Variants in METTL5 observed in about 807,000 individuals in gnomAD.
METTL5 encodes the protein rRNA N(6)-adenosine-methyltransferase METTL5.
Under a neutral mutation model 26.5 loss-of-function variants are expected in METTL5, and 28 were observed. That is an observed-to-expected ratio of 1.06 (90% confidence interval 0.78 to 1.45). The LOEUF (loss-of-function observed/expected upper bound fraction) is 1.45. Ranked by LOEUF, METTL5 falls within the 40% of genes most tolerant of loss-of-function variation. METTL5 has a pLI of 0.00. For missense variants in METTL5, 231 were observed against 249.9 expected (o/e 0.92, Z 0.51); for synonymous variants, 86 against 82.6 (o/e 1.04, Z -0.22).
Position 169,824,536 on chromosome 2 carries a change from T to C in METTL5, c.62A>G (p.Lys21Arg). 1 of 1,614,228 alleles carries C rather than the reference T, an allele frequency of 6.2e-7. No individual in the cohort carries two copies. Among genetic ancestry groups the C allele is most frequent in the Non-Finnish European group, 8.5e-7 (1 of 1,180,022 alleles). The change falls in exon 1 of 7, where the codon AAG (lysine) becomes AGG (arginine). Residue 21 changes from lysine to arginine, a missense_variant. Lys to Arg is a conservative substitution (Grantham distance 26). Coordinates refer to ENST00000260953, the MANE Select transcript of METTL5 (RefSeq NM_014168.4). ...SRLQQVDGFE[K>R]PKLLLEQYPT... ...ATACTGTTCCAGAAGTAGCTTGGGC[T>C]TTTCAAATCCATCCACTTGTTGCAG...
chr2:169,820,916 G>C (rs2081575056), intron 3 of METTL5, among the ~76,000 whole-genome samples, 176 bp downstream of exon 3: 1 of 151,576 alleles, frequency 6.6e-6, no homozygotes, highest in Admixed American at 6.6e-5. Context: ...TGTGGGTAGA[G>C]GCAGGGTCTA....
At position 169,812,508 on chromosome 2, in the gene METTL5, T is replaced by C. The variant is rs1690007274; in HGVS notation, c.542-2A>G. 2 of 1,613,212 alleles carry C rather than the reference T, an allele frequency of 1.2e-6. No homozygotes were observed. Among genetic ancestry groups the C allele is most frequent in the Non-Finnish European group, 8.5e-7 (1 of 1,179,786 alleles). On this transcript the variant is annotated splice_acceptor_variant, in intron 5 of 6. Coordinates refer to ENST00000260953, the MANE Select transcript of METTL5 (RefSeq NM_014168.4). LOFTEE classifies it high-confidence loss of function. ...ATGCTGGCAGGTCATATCGAAGTTC[T>C]GTAAAACAAAAGCCACCTAAGGATA... is the stretch of plus-strand genomic sequence containing the variant.
chr2:169,812,113 A>G (rs1689983032), intron 6 of METTL5: 2 of 575,724 alleles, frequency 3.5e-6, no homozygotes, highest in African/African-American at 3.8e-5. Flanking sequence ...TTTAGGAAAG[A>G]ACTAGAATAT....
At position 169,819,654 on chromosome 2, in the gene METTL5, T is replaced by C. The variant is rs1461797944; in HGVS notation, c.407-11A>G. ...AAGCCATATCTGTCCCTGTGAAGAG[T>C]AGAAAAAAAGCTCCTATTTACCTCT... On this transcript the variant is annotated splice_polypyrimidine_tract_variant and intron_variant, in intron 3 of 6. Transcript: ENST00000260953. The C allele has an allele frequency of 1.9e-6, 3 of 1,594,394 alleles. No homozygotes were observed. The highest frequency in any genetic ancestry group is 2.2e-5 in the South Asian group (2 of 89,538).
Position 169,815,463 on chromosome 2 carries a change from G to C in METTL5, c.541+14C>G. On this transcript the variant is annotated intron_variant, in intron 5 of 6. Coordinates refer to ENST00000260953, the MANE Select transcript of METTL5 (RefSeq NM_014168.4). ...GTTGGCCCTTTTGGATATTAGGATT[G>C]AGATTTGTCTTACCTGCTATAATAT... 1 of 1,580,200 alleles carries C rather than the reference G, an allele frequency of 6.3e-7. No homozygotes were observed. Among genetic ancestry groups the C allele is most frequent in the Non-Finnish European group, 8.6e-7 (1 of 1,156,274 alleles).
At chr2:169,817,172 CAT>C (rs1346578811) in intron 4 of METTL5, among the ~76,000 whole-genome samples, 4 of 152,154 alleles carry the variant, frequency 2.6e-5, no homozygotes, top group South Asian at 4.1e-4. Flanking sequence ...AGCCAACAGA[CAT>C]ATGAAAAAAT....
At chr2:169,821,398 G>T in intron 2 of METTL5, 125 bp from the exon 3 acceptor site, 1 of 674,816 alleles carries the variant, frequency 1.5e-6, no homozygotes. Context: ...GTAAGAGTGA[G>T]TGTTTTCTTC....
intron 1 of METTL5, 123 bp downstream of exon 1, chr2:169,824,366 A>AC: frequency 1.3e-6 from 1 of 756,716 alleles, no homozygotes; most frequent in Non-Finnish European, 2.3e-6. Flanking sequence ...CTCTAACGCG[A>AC]CAGGTGATCT....
At chr2:169,812,568 A>AAAAAAC in intron 5 of METTL5, 62 bp from the exon 6 acceptor site, 1 of 1,530,548 alleles carries the variant, frequency 6.5e-7, no homozygotes, top group Non-Finnish European at 8.9e-7. Context: ...ACCCTTGACT[A>AAAAAAC]AACAACAACA....
intron 6 of METTL5, chr2:169,812,153 G>T: frequency 1.8e-6 from 1 of 551,064 alleles, no homozygotes; most frequent in East Asian, 3.3e-5. Flanking sequence ...TTTCCCACAG[G>T]CCATTTATGG....
At chr2:169,818,680 C>T (rs2081728) in intron 4 of METTL5, among the ~76,000 whole-genome samples, 149,956 of 152,346 alleles carry the variant, frequency 0.98, 73,833 homozygotes, top group East Asian at 1. Flanking sequence ...TGGGTTCTTA[C>T]GTACTGTATT....
At chr2:169,814,416 G>A (rs868696034) in intron 5 of METTL5, among the ~76,000 whole-genome samples, 2 of 122,828 alleles carry the variant, frequency 1.6e-5, no homozygotes, top group Non-Finnish European at 3.2e-5. Flanking sequence ...GAACCCGGGA[G>A]GTGGAGGTTG....
At chr2:169,811,977 G>T in intron 6 of METTL5, 119 bp from the exon 7 acceptor site, 3 of 1,177,590 alleles carry the variant, frequency 2.5e-6, no homozygotes, top group South Asian at 1.4e-5. Flanking sequence ...TCAAAAGGAA[G>T]ATTCTTCCAT....
Position 169,812,425 on chromosome 2 carries a change from G to C in METTL5, c.591+32C>G, listed in dbSNP as rs199810801. On this transcript the variant is annotated intron_variant, in intron 6 of 6. Coordinates refer to ENST00000260953, the MANE Select transcript of METTL5 (RefSeq NM_014168.4). ...CCGGCCCAGAAAGCTTTTCAATACCGAATGTAGACCAGCCAAAATCAAGAG... is the reference window on the plus strand; with the variant it reads ...CCGGCCCAGAAAGCTTTTCAATACCCAATGTAGACCAGCCAAAATCAAGAG... The C allele has an allele frequency of 1.9e-6, 3 of 1,613,706 alleles. No individual in the cohort carries two copies. In the Admixed American group the frequency reaches 5.0e-5, roughly 27 times the overall value.
rs539369905 is a variant in METTL5 at position 169,814,254 on chromosome 2, G to T, written c.541+1223C>A. 6.6e-5 allele frequency among the ~76,000 whole-genome samples: 10 copies of T among 151,944 alleles called. No individual in the cohort carries two copies. In the South Asian group the frequency reaches 1.9e-3, roughly 28 times the overall value. ...TGTAATCCCAGCACTTTGGGAGGCC[G>T]AGGCTGGAGGATCACTGAGGTCAGG... On this transcript the variant is annotated intron_variant, in intron 5 of 6. Coordinates refer to ENST00000260953, the MANE Select transcript of METTL5 (RefSeq NM_014168.4).
At position 169,824,814 on chromosome 2, in the gene METTL5, GC is replaced by G; in HGVS notation, c.-218del. On this transcript the variant is annotated 5_prime_UTR_variant, in exon 1 of 7. Transcript: ENST00000260953. ...CTAACCCAAGCCGCCCCAGGAGACG[GC>G]GGCGGCGCACTGCTGGAGCAGCCTC... 4.2e-6 allele frequency: 2 copies of G among 470,818 alleles called. No homozygotes were observed. The allele number at this position is 470,818 out of a possible 1,614,324, so 29.2% of individuals were successfully genotyped here. A position where few individuals can be genotyped will look rare whatever the true frequency, so the allele number is the denominator to read the frequency against.
At chr2:169,819,459 G>A (rs973062203) in intron 4 of METTL5, 102 bp downstream of exon 4, 4 of 802,124 alleles carry the variant, frequency 5.0e-6, no homozygotes, top group Non-Finnish European at 7.8e-6. Flanking sequence ...AAATGGTCAG[G>A]AGAAATAGAT....
chr2:169,823,794 T>C (rs905176896), intron 1 of METTL5, among the ~76,000 whole-genome samples: 14 of 152,308 alleles, frequency 9.2e-5, no homozygotes, highest in Middle Eastern at 6.8e-3. Flanking sequence ...CACTCCAGCC[T>C]GGGTGACAGA....
chr2:169,821,020 G>A, intron 3 of METTL5, 72 bp downstream of exon 3: 1 of 1,302,112 alleles, frequency 7.7e-7, no homozygotes, highest in Non-Finnish European at 1.1e-6. Flanking sequence ...CTGAGCCACT[G>A]CGCCTGGCCT....
Sources: gnomAD v4.1 joint callset for allele counts (sites outside exome capture counted in the v4.1 genomes callset) on GRCh38, gnomAD v4.1.1 for gene constraint, MANE v1.5 for transcripts, NCBI Gene and HGNC (gene_info 2026-07-23, HGNC 2026-07-21) for gene names.